Variants in TRIQK observed in about 807,000 individuals in gnomAD.
The protein encoded by TRIQK is triple QxxK/R motif-containing protein.
In TRIQK, 10 loss-of-function variants were observed where a neutral mutation model predicts 10.8. That is an observed-to-expected ratio of 0.92 (90% CI 0.57 to 1.57). The LOEUF (loss-of-function observed/expected upper bound fraction) is 1.57, where lower values mean the gene tolerates loss of function less well. Among genes scored for constraint, TRIQK ranks in the 40% most tolerant of loss-of-function variants. TRIQK has a pLI of 0.00. For missense variants in TRIQK, 107 were observed against 97.7 expected (o/e 1.09, Z -0.40); for synonymous variants, 33 against 33.7 (o/e 0.98, Z 0.07).
chr8:92,972,804 G>A (rs1812888406), intron 1 of TRIQK: 1 of 152,294 alleles, frequency 6.6e-6, no homozygotes, highest in South Asian at 2.1e-4. Context: ...TTCACGGTAT[G>A]AGAACTGTAC....
chr8:92,920,509 T>A (rs1261958960), intron 2 of TRIQK, among the ~76,000 whole-genome samples: 1 of 149,474 alleles, frequency 6.7e-6, no homozygotes, highest in Non-Finnish European at 1.5e-5. Flanking sequence ...CAAAGACCCA[T>A]GAAAACTTAT....
chr8:92,900,553 T>C (rs1253088952), intron 3 of TRIQK, among the ~76,000 whole-genome samples: 1 of 152,180 alleles, frequency 6.6e-6, no homozygotes, highest in Non-Finnish European at 1.5e-5. Context: ...TCACTGTAGA[T>C]GTAAGAATTT....
intron 2 of TRIQK, among the ~76,000 whole-genome samples, chr8:92,932,299 T>G (rs541297576): frequency 9.3e-4 from 142 of 152,254 alleles, no homozygotes; most frequent in African/African-American, 3.1e-3. Context: ...CAATCATACA[T>G]CTAGCATCAT....
At chr8:92,968,095 AT>A (rs1563669536), upstream of TRIQK, among the ~76,000 whole-genome samples, 2 of 152,180 alleles carry the variant, frequency 1.3e-5, no homozygotes, top group East Asian at 1.9e-4. Flanking sequence ...TCTTTACCAT[AT>A]AAAGACATAT....
rs537810319 is a variant in TRIQK, at chr8:93,009,501, C to T, written c.-181+8108G>A. ...GCAGATGCCTGTAATCCCAGCTACT[C>T]GGGAGGCTGAGGCAGGAGAATCGCC... On this transcript the variant is annotated intron_variant, in intron 1 of 4. Transcript: ENST00000520686. Among the ~76,000 whole-genome samples, 25 of 151,936 alleles carry T rather than the reference C, an allele frequency of 1.6e-4. 3 individuals carry two copies. The Middle Eastern group carries it at 0.017, about 103-fold the overall frequency.
intron 2 of TRIQK, among the ~76,000 whole-genome samples, chr8:92,928,258 A>G (rs181000245): frequency 6.6e-6 from 1 of 152,312 alleles, no homozygotes; most frequent in African/African-American, 2.4e-5. Context: ...TCAAAACTGC[A>G]ATGAGTACTC....
intron 1 of TRIQK, among the ~76,000 whole-genome samples, chr8:92,995,249 C>A (rs1317374267): frequency 6.6e-6 from 1 of 151,984 alleles, no homozygotes; most frequent in Non-Finnish European, 1.5e-5. Context: ...TCCCGCTATT[C>A]CCTTGTTACC....
intron 2 of TRIQK, among the ~76,000 whole-genome samples, chr8:92,936,442 G>C (rs1810992524): frequency 6.6e-6 from 1 of 151,530 alleles, no homozygotes; most frequent in Non-Finnish European, 1.5e-5. Flanking sequence ...CAGGGGGAGA[G>C]AGAAGGAAGA....
chr8:93,007,429 TC>T (rs1257739311), intron 1 of TRIQK, among the ~76,000 whole-genome samples: 1 of 152,048 alleles, frequency 6.6e-6, no homozygotes, highest in Non-Finnish European at 1.5e-5. Flanking sequence ...TGAGAAAGAC[TC>T]AACGAGAAAA....
intron 3 of TRIQK, among the ~76,000 whole-genome samples, chr8:92,913,382 T>G (rs555340181): frequency 6.6e-6 from 1 of 152,182 alleles, no homozygotes; most frequent in African/African-American, 2.4e-5. Context: ...TCAGCCTCAC[T>G]GGTCATTAGA....
At chr8:92,989,842 G>A (rs1813079870) in intron 1 of TRIQK, among the ~76,000 whole-genome samples, 1 of 151,964 alleles carries the variant, frequency 6.6e-6, no homozygotes, top group Admixed American at 6.6e-5. Context: ...AGTAGGTGAA[G>A]ACATCATGAA....
chr8:92,907,024 G>T (rs1260705811), intron 3 of TRIQK, among the ~76,000 whole-genome samples: 1 of 152,116 alleles, frequency 6.6e-6, no homozygotes, highest in East Asian at 1.9e-4. Flanking sequence ...CATTATCAAT[G>T]ACAGAAATCC....
At chr8:92,938,021 A>G (rs560258885) in intron 2 of TRIQK, among the ~76,000 whole-genome samples, 1 of 152,058 alleles carries the variant, frequency 6.6e-6, no homozygotes, top group Non-Finnish European at 1.5e-5. Flanking sequence ...TTCCATTAAC[A>G]TTACTTGCAG....
intron 1 of TRIQK, among the ~76,000 whole-genome samples, chr8:92,976,331 A>C (rs1812931690): frequency 6.6e-6 from 1 of 152,012 alleles, no homozygotes; most frequent in African/African-American, 2.4e-5. Flanking sequence ...AAGCTTTGTC[A>C]TTATGTGCAT....
At chr8:92,918,669 GTC>G (rs1372718927) in intron 2 of TRIQK, among the ~76,000 whole-genome samples, 2 of 151,814 alleles carry the variant, frequency 1.3e-5, no homozygotes, top group Non-Finnish European at 2.9e-5. Context: ...TTTGTAAGTT[GTC>G]TCTTCACTTT....
intron 3 of TRIQK, among the ~76,000 whole-genome samples, chr8:92,905,866 ACTC>A (rs1415190279): frequency 6.6e-6 from 1 of 152,030 alleles, no homozygotes; most frequent in African/African-American, 2.4e-5. Flanking sequence ...CTAAGAAACA[ACTC>A]CTGGATTGCT....
intron 2 of TRIQK, among the ~76,000 whole-genome samples, chr8:92,924,558 T>C (rs1810350008): frequency 6.6e-6 from 1 of 151,968 alleles, no homozygotes; most frequent in Non-Finnish European, 1.5e-5. Context: ...GAGTCATCTC[T>C]GAGTAATCAT....
At chr8:92,945,516 A>G (rs2130631006) in intron 2 of TRIQK, among the ~76,000 whole-genome samples, 1 of 152,284 alleles carries the variant, frequency 6.6e-6, no homozygotes, top group Admixed American at 6.5e-5. Flanking sequence ...TGGCAGATAA[A>G]TTATTTTTCT....
At chr8:92,981,542 T>C (rs966349083) in intron 1 of TRIQK, among the ~76,000 whole-genome samples, 3 of 151,866 alleles carry the variant, frequency 2.0e-5, no homozygotes, top group Admixed American at 6.6e-5. Flanking sequence ...ATTTTGTAAC[T>C]ATGTTGATTG....
Sources: gnomAD v4.1 joint callset for allele counts (sites outside exome capture counted in the v4.1 genomes callset) on GRCh38, gnomAD v4.1.1 for gene constraint, MANE v1.5 for transcripts, NCBI Gene and HGNC (gene_info 2026-07-23, HGNC 2026-07-21) for gene names.